HGS: variants seen among roughly 807,000 people sequenced by gnomAD.
HGS encodes the protein human growth factor-regulated tyrosine kinase substrate.
In HGS, 63 loss-of-function variants were observed where a neutral mutation model predicts 109.7. The ratio of observed to expected loss-of-function variants is 0.57; its 90% confidence interval spans 0.47 to 0.71. HGS has a LOEUF of 0.71. Among genes scored for constraint, HGS ranks in the 30% least tolerant of loss-of-function variants. HGS has a pLI of 0.00. For missense variants in HGS, 995 were observed against 1,068.3 expected (o/e 0.93, Z 0.96); for synonymous variants, 546 against 437.3 (o/e 1.25, Z -3.10).
rs748387434 is a variant in HGS at position 81,701,496 on chromosome 17, C to T, written c.2224-12C>T. On this transcript the variant is annotated splice_polypyrimidine_tract_variant and intron_variant, in intron 21 of 21. Transcript: ENST00000329138. The stretch of plus-strand genomic sequence containing the variant: ...GGAGGACCAGGGCCATGCCTGCTTT[C>T]CTCCTGCACAGATGGCACCCTCTGG... 12 of 1,545,342 alleles carry T rather than the reference C, an allele frequency of 7.8e-6. No homozygotes were observed. Among genetic ancestry groups the T allele is most frequent in the African/African-American group, 1.4e-5 (1 of 73,476 alleles).
Position 81,701,124 on chromosome 17 carries a change from A to G in HGS, c.2216A>G (p.Tyr739Cys). Reference sequence around the variant, plus strand: ...TACATCGCGGGGCAGCAGCCCATGTACCAGCAGGTGAGCCATTCCCGGGGC... The same window carrying G: ...TACATCGCGGGGCAGCAGCCCATGTGCCAGCAGGTGAGCCATTCCCGGGGC... ...QPYIAGQQPMYQQMAPSGGPP... is the reference protein window; with the variant it reads ...QPYIAGQQPMCQQMAPSGGPP... The change falls in exon 21 of 22, where the codon TAC becomes TGC. Residue 739 changes from tyrosine to cysteine, a missense_variant. Tyr to Cys is a radical substitution (Grantham distance 194). Around this residue, in one of 6 missense-constraint regions of HGS, gnomAD observed 326 missense variants for 309.7 expected, o/e 1.05. Transcript: ENST00000329138. The G allele has an allele frequency of 1.2e-6, 2 of 1,613,658 alleles. No individual in the cohort carries two copies. Among genetic ancestry groups the G allele is most frequent in the Non-Finnish European group, 1.7e-6 (2 of 1,179,862 alleles).
chr17:81,693,658 C>G lies in HGS; in HGVS notation c.746C>G (p.Pro249Arg), dbSNP rs759713201. 1 of 1,549,648 alleles carries G rather than the reference C, an allele frequency of 6.5e-7. No homozygotes were observed. The highest frequency in any genetic ancestry group is 2.4e-5 in the East Asian group (1 of 42,466). ...TSPLSQQSQL[P>R]PKRDETALQE... is the part of the protein sequence containing the mutation. ...ACCCTCCCCGCTTGTCCTCAGCTGC[C>G]CCCCAAGAGGGACGAGACGGCCCTG... The change falls in exon 10 of 22, where the codon CCC becomes CGC. Residue 249 changes from proline (P) to arginine (R), a missense_variant. Physicochemically the swap from Pro to Arg is moderately radical, Grantham distance 103. Coordinates refer to ENST00000329138, the MANE Select transcript of HGS (RefSeq NM_004712.5).
At position 81,691,402 on chromosome 17, in the gene HGS, G is replaced by C. The variant is rs756868059; in HGVS notation, c.538-45G>C. 1.2e-6 allele frequency: 2 copies of C among 1,610,726 alleles called. No individual in the cohort carries two copies. The highest frequency in any genetic ancestry group is 1.7e-6 in the Non-Finnish European group (2 of 1,179,106). ...GGTTCTGGGCCGGGTGGCGCATCAG[G>C]GTCCCCCAGTGCCTGTGACCAGGCC... is the stretch of plus-strand genomic sequence containing the variant. On this transcript the variant is annotated intron_variant, in intron 7 of 21. Transcript: ENST00000329138. The surrounding 1 kb of genome is among the most constrained non-coding windows in gnomAD (Gnocchi z 5.3).
rs771549376 is a variant in HGS at position 81,695,213 on chromosome 17, C to A, written c.1169C>A (p.Pro390His). 6.2e-7 allele frequency: 1 copy of A among 1,614,170 alleles called. No individual in the cohort carries two copies. Among genetic ancestry groups the A allele is most frequent in the South Asian group, 1.1e-5 (1 of 91,090 alleles). Reference protein sequence around the residue: ...DSQPIPPSGGPFSEPQFHNGE... With the variant: ...DSQPIPPSGGHFSEPQFHNGE... The stretch of plus-strand genomic sequence containing the variant: ...CAGCCCATTCCTCCCTCTGGTGGCC[C>A]CTTTAGTGAGGTAAGCTGTGGCTCC... The change falls in exon 14 of 22, where the codon CCC becomes CAC. Residue 390 changes from proline (P) to histidine (H), a missense_variant. Physicochemically the swap from Pro to His is moderately conservative, Grantham distance 77. This residue lies in a region of HGS where 300 missense variants were observed against 235.4 expected (regional missense o/e 1.27). Coordinates refer to ENST00000329138, the MANE Select transcript of HGS (RefSeq NM_004712.5).
intron 18 of HGS, among the ~76,000 whole-genome samples, chr17:81,699,061 C>T (rs1181787130): frequency 7.4e-5 from 11 of 147,684 alleles, no homozygotes; most frequent in South Asian, 6.4e-4. Context: ...AGCGAGACTC[C>T]GTCTCAAAAA....
In HGS at chr17:81,693,668, G is replaced by T; in HGVS notation, c.756G>T (p.Arg252Ser). 4 of 1,553,072 alleles carry T rather than the reference G, an allele frequency of 2.6e-6. No individual in the cohort carries two copies. The highest frequency in any genetic ancestry group is 2.6e-6 in the Non-Finnish European group (3 of 1,147,470). The change falls in exon 10 of 22, where the codon AGG becomes AGT. Residue 252 changes from arginine (R) to serine (S), a missense_variant. Transcript: ENST00000329138. Reference protein sequence around the residue: ...LSQQSQLPPKRDETALQEEEE... With the variant: ...LSQQSQLPPKSDETALQEEEE... ...CTTGTCCTCAGCTGCCCCCCAAGAGGGACGAGACGGCCCTGCAGGAGGAGG... is the reference window on the plus strand; with the variant it reads ...CTTGTCCTCAGCTGCCCCCCAAGAGTGACGAGACGGCCCTGCAGGAGGAGG...
chr17:81,699,891 A>G (rs1401808892), intron 18 of HGS, among the ~76,000 whole-genome samples: 3 of 149,086 alleles, frequency 2.0e-5, no homozygotes, highest in Non-Finnish European at 4.5e-5. Context: ...CCTGACCAAC[A>G]TGGTGAAACC....
chr17:81,695,007 C>T lies in HGS; in HGVS notation c.1059C>T (p.Pro353=), dbSNP rs768404251. Residue 353 remains proline, a synonymous_variant, in exon 13 of 22, where the codon CCC becomes CCT. Transcript: ENST00000329138. ...GCCCCACGCCATCTGCGCCCGTGCCCCTGACGGAGCCGGCTGCACAGCCTG... is the reference window on the plus strand; with the variant it reads ...GCCCCACGCCATCTGCGCCCGTGCCTCTGACGGAGCCGGCTGCACAGCCTG... The part of the protein sequence containing the change: ...RKSPTPSAPV[P]LTEPAAQPGE... The T allele has an allele frequency of 8.1e-6, 13 of 1,613,964 alleles. No individual in the cohort carries two copies. Among genetic ancestry groups the T allele is most frequent in the African/African-American group, 5.3e-5 (4 of 74,944 alleles).
chr17:81,692,850 T>A (rs1463958396), intron 8 of HGS: 1 of 152,080 alleles, frequency 6.6e-6, no homozygotes, highest in Admixed American at 6.5e-5. Context: ...AATTTTTGTA[T>A]TTTATACAAA....
intron 3 of HGS, 138 bp downstream of exon 3, chr17:81,686,525 G>C (rs1470397916): frequency 3.1e-6 from 2 of 653,918 alleles, no homozygotes; most frequent in Non-Finnish European, 5.4e-6. Flanking sequence ...ACTCAGCCTT[G>C]AGTGCCTGTG....
At position 81,696,453 on chromosome 17, in the gene HGS, G is replaced by A. The variant is rs779742321; in HGVS notation, c.1490G>A (p.Arg497Gln). ...LREEHREKLR[R>Q]AAEEAERQRQ... Reference sequence around the variant, plus strand: ...GAAGAGCACCGGGAGAAGCTTCGCCGGGCAGCCGAGGAGGCAGAGCGCCAG... The same window carrying A: ...GAAGAGCACCGGGAGAAGCTTCGCCAGGCAGCCGAGGAGGCAGAGCGCCAG... Residue 497 changes from arginine to glutamine, a missense_variant, in exon 16 of 22, where the codon CGG becomes CAG. Arg to Gln is a conservative substitution (Grantham distance 43). Around this residue, in one of 6 missense-constraint regions of HGS, gnomAD observed 163 missense variants for 217.8 expected, o/e 0.75. Transcript: ENST00000329138. The A allele has an allele frequency of 1.3e-5, 20 of 1,543,334 alleles. No individual in the cohort carries two copies. The highest frequency in any genetic ancestry group is 4.6e-5 in the East Asian group (2 of 43,316).
Position 81,693,576 on chromosome 17 carries a change from T to C in HGS, c.736T>C (p.Ser246Pro), listed in dbSNP as rs759041948. The C allele has an allele frequency of 3.7e-6, 6 of 1,603,112 alleles. No homozygotes were observed. In the South Asian group the frequency reaches 6.6e-5, roughly 18 times the overall value. Residue 246 changes from serine to proline, a missense_variant, in exon 9 of 22, where the codon TCC becomes CCC. Ser to Pro is a moderately conservative substitution (Grantham distance 74, BLOSUM62 -1). Transcript: ENST00000329138. ...EYLTSPLSQQ[S>P]QLPPKRDETA... ...CCTGACCAGCCCCCTGTCTCAGCAG[T>C]CCCAGGTACTCAGCCCCCTCCGTCC... is the stretch of plus-strand genomic sequence containing the variant.
chr17:81,691,359 T>G lies in HGS; in HGVS notation c.538-88T>G. On this transcript the variant is annotated intron_variant, in intron 7 of 21. Transcript: ENST00000329138. This position sits in a 1 kb window ranked among gnomAD's most constrained non-coding sequence, Gnocchi z 5.3. The stretch of plus-strand genomic sequence containing the variant: ...CCTTCCCCCACCTGTGAGGCCCAGC[T>G]TCGGCATCGTACGGGGTGGTTCTGG... The G allele has an allele frequency of 1.3e-6, 2 of 1,548,394 alleles. No individual in the cohort carries two copies. Among genetic ancestry groups the G allele is most frequent in the Non-Finnish European group, 1.8e-6 (2 of 1,135,904 alleles).
intron 18 of HGS, chr17:81,697,239 C>T: frequency 4.3e-6 from 2 of 468,612 alleles, no homozygotes; most frequent in South Asian, 3.7e-5. Flanking sequence ...CGAGCATTTC[C>T]TGAAACCAGC....
intron 15 of HGS, 41 bp from the exon 16 acceptor site, chr17:81,696,316 T>G (rs2037146683): frequency 6.7e-7 from 1 of 1,490,542 alleles, no homozygotes; most frequent in African/African-American, 1.4e-5. Context: ...TTCTCGGCAC[T>G]GTGCCGGAGT....
chr17:81,690,443 G>C, intron 6 of HGS: 1 of 641,016 alleles, frequency 1.6e-6, no homozygotes, highest in Non-Finnish European at 2.7e-6. Context: ...AGAGTGGCTA[G>C]GGGGCTCGGG....
At chr17:81,685,552 C>A in intron 1 of HGS, 53 bp from the exon 2 acceptor site, 1 of 1,300,154 alleles carries the variant, frequency 7.7e-7, no homozygotes, top group Non-Finnish European at 1.1e-6. Context: ...TGGGGTGCTG[C>A]ACGGGGCGTC....
At chr17:81,694,073 CG>C in intron 11 of HGS, 108 bp downstream of exon 11, 1 of 942,076 alleles carries the variant, frequency 1.1e-6, no homozygotes, top group Non-Finnish European at 1.5e-6. Context: ...TGCGGGTCCC[CG>C]GGCTTCCCAG....
intron 11 of HGS, among the ~76,000 whole-genome samples, chr17:81,694,369 G>A (rs902194305): frequency 1.6e-4 from 25 of 152,244 alleles, no homozygotes; most frequent in African/African-American, 6.0e-4. Context: ...GTCGGGGACA[G>A]CAGGTTGAGA....
Sources: gnomAD v4.1 joint callset for allele counts (sites outside exome capture counted in the v4.1 genomes callset) on GRCh38, gnomAD v4.1.1 for gene constraint, gnomAD v4.1.1 regional missense constraint, Gnocchi (gnomAD v3.1) non-coding constraint, MANE v1.5 for transcripts, NCBI Gene and HGNC (gene_info 2026-07-23, HGNC 2026-07-21) for gene names.